The following RPS6KA2 variants were observed in gnomAD, a reference collection of about 807,000 sequenced individuals.
RPS6KA2 encodes the protein ribosomal protein S6 kinase alpha-2.
In RPS6KA2, 42 loss-of-function variants were observed where a neutral mutation model predicts 91.8. The observed-to-expected ratio is 0.46, with a 90% CI of 0.36 to 0.59. The LOEUF (loss-of-function observed/expected upper bound fraction) is 0.59. Ranked by LOEUF, RPS6KA2 falls within the 20% of genes least tolerant of loss-of-function variation. RPS6KA2 has a pLI of 0.00. For missense variants in RPS6KA2, 798 were observed against 978.5 expected, an observed-to-expected ratio of 0.82 and a Z score of 2.46; for synonymous variants, 414 against 393.6, an observed-to-expected ratio of 1.05 and a Z score of -0.61.
chr6:166,843,572 G>T (rs551695899), intron 2 of RPS6KA2, among the ~76,000 whole-genome samples: 2 of 152,210 alleles, frequency 1.3e-5, no homozygotes, highest in African/African-American at 4.8e-5. Flanking sequence ...GCTGAAAGAC[G>T]TGAAGACGGA....
In RPS6KA2 at chr6:166,646,407, G is replaced by T. The variant is rs1582980996; in HGVS notation, c.124-107623C>A. Among the ~76,000 whole-genome samples the T allele has an allele frequency of 2.0e-5, 3 of 152,352 alleles. No homozygotes were observed. The South Asian group carries it at 6.2e-4, about 32-fold the overall frequency. On this transcript the variant is annotated intron_variant, in intron 2 of 21. Transcript: ENST00000503859. ...AAAGAGAAAGAACACAACCAGCCAA[G>T]CTTGGGACTGGACAAGCCAGTCAGC...
Position 166,783,046 on chromosome 6 carries a change from AGGTATT to A in RPS6KA2, c.123+75148_123+75153del, listed in dbSNP as rs1311849278. ...CTAAACTTGCTGCAGGGTATCTTTT[AGGTATT>A]ATTATTATTATTATTATTATTATTA... On this transcript the variant is annotated intron_variant, in intron 2 of 21. Coordinates refer to the RPS6KA2 transcript ENST00000503859. 6.1e-3 allele frequency among the ~76,000 whole-genome samples: 857 copies of A among 139,918 alleles called. 11 individuals are homozygous for A. Among genetic ancestry groups the A allele is most frequent in the African/African-American group, 0.021 (798 of 37,190 alleles). 91.8% of individuals were successfully genotyped at this position (139,918 alleles called of 152,430 possible). A position where few individuals can be genotyped will look rare whatever the true frequency, so the allele number is the denominator to read the frequency against.
At chr6:166,707,812 C>T (rs1789724540) in intron 2 of RPS6KA2, among the ~76,000 whole-genome samples, 1 of 151,916 alleles carries the variant, frequency 6.6e-6, no homozygotes, top group Non-Finnish European at 1.5e-5. Context: ...GATCTTGGCT[C>T]CTAGGCTGGT....
At chr6:166,542,856 A>G (rs1472857975) in intron 1 of RPS6KA2, among the ~76,000 whole-genome samples, 1 of 152,194 alleles carries the variant, frequency 6.6e-6, no homozygotes, top group East Asian at 1.9e-4. Flanking sequence ...AAAAGTGCAA[A>G]TTAAAAGTTG....
At chr6:166,511,170 C>T (rs545799506) in intron 3 of RPS6KA2, among the ~76,000 whole-genome samples, 156 of 152,258 alleles carry the variant, frequency 1.0e-3, no homozygotes, top group African/African-American at 3.5e-3. Flanking sequence ...GTCACCATCT[C>T]TCCATGGAAA....
chr6:166,463,703 C>T (rs1280154422), intron 11 of RPS6KA2, among the ~76,000 whole-genome samples: 7 of 152,140 alleles, frequency 4.6e-5, no homozygotes, highest in East Asian at 3.8e-4. Flanking sequence ...CTTCTGTAGA[C>T]GGTTTTGGCT....
intron 1 of RPS6KA2, among the ~76,000 whole-genome samples, chr6:166,608,627 A>T (rs934015487): frequency 6.6e-6 from 1 of 152,188 alleles, no homozygotes; most frequent in Admixed American, 6.5e-5. Context: ...GTCCCTGGGT[A>T]CCACTCAGAT....
rs535940781 is a variant in RPS6KA2, at chr6:166,578,042, A to G, written c.100-39258T>C. On this transcript the variant is annotated intron_variant, in intron 1 of 20. Coordinates refer to ENST00000265678, the MANE Select transcript of RPS6KA2 (RefSeq NM_021135.6). The stretch of plus-strand genomic sequence containing the variant: ...TCATTTTCTCTTGCTGCCACCATAT[A>G]AGAAATGTTTTTTGCCTCCTGCCAT... Among the ~76,000 whole-genome samples the G allele has an allele frequency of 8.0e-4, 122 of 152,252 alleles. 1 individual carries two copies. In the South Asian group the frequency reaches 0.024, roughly 30 times the overall value.
intron 1 of RPS6KA2, among the ~76,000 whole-genome samples, chr6:166,860,480 T>C (rs964817252): frequency 1.1e-4 from 16 of 152,210 alleles, no homozygotes; most frequent in Non-Finnish European, 4.4e-5. Context: ...AATCTATTCA[T>C]TGCTGATCCA....
chr6:166,466,721 G>C (rs1780536725), intron 11 of RPS6KA2, among the ~76,000 whole-genome samples: 1 of 152,176 alleles, frequency 6.6e-6, no homozygotes, highest in Non-Finnish European at 1.5e-5. Flanking sequence ...TTCATTCACT[G>C]ATTCATTCAC....
At chr6:166,498,727 G>T (rs755209940) in intron 7 of RPS6KA2, 77 bp from the exon 8 acceptor site, 2 of 1,560,474 alleles carry the variant, frequency 1.3e-6, no homozygotes, top group Non-Finnish European at 1.7e-6. Context: ...GGGCATCAGC[G>T]TCCTTCTGTG....
chr6:166,468,731 G>A (rs1202108797), intron 11 of RPS6KA2, among the ~76,000 whole-genome samples: 2 of 152,014 alleles, frequency 1.3e-5, no homozygotes, highest in African/African-American at 2.4e-5. Flanking sequence ...CGGGCGTGGT[G>A]GGGGCGCCTG....
At chr6:166,496,379 GA>G (rs537400029) in intron 8 of RPS6KA2, among the ~76,000 whole-genome samples, 117 of 140,638 alleles carry the variant, frequency 8.3e-4, no homozygotes, top group African/African-American at 8.8e-4. Context: ...AAAATAAAAA[GA>G]AAAAAAAGAA....
intron 2 of RPS6KA2, among the ~76,000 whole-genome samples, chr6:166,839,499 C>T (rs1780403329): frequency 6.6e-6 from 1 of 151,140 alleles, no homozygotes; most frequent in Non-Finnish European, 1.5e-5. Context: ...GGAATTGAGC[C>T]TTACCATATC....
At chr6:166,859,008 AGC>A (rs1780981098) in intron 1 of RPS6KA2, among the ~76,000 whole-genome samples, 2 of 80,032 alleles carry the variant, frequency 2.5e-5, no homozygotes, top group Admixed American at 2.8e-4. Flanking sequence ...GCTGCCATGC[AGC>A]AGACACGGGA....
intron 2 of RPS6KA2, among the ~76,000 whole-genome samples, chr6:166,675,402 C>G (rs1254735827): frequency 1.3e-5 from 2 of 152,212 alleles, no homozygotes; most frequent in Non-Finnish European, 2.9e-5. Flanking sequence ...CCCCAGTTTC[C>G]ACGCTGTTAA....
At chr6:166,478,105 A>T (rs1339953288) in intron 10 of RPS6KA2, among the ~76,000 whole-genome samples, 1 of 152,342 alleles carries the variant, frequency 6.6e-6, no homozygotes, top group South Asian at 2.1e-4. Flanking sequence ...ACCCTCACGC[A>T]TGTGGCCCCA....
intron 14 of RPS6KA2, among the ~76,000 whole-genome samples, chr6:166,440,545 AGAATCATCT>A: frequency 6.6e-6 from 1 of 152,392 alleles, no homozygotes; most frequent in South Asian, 2.1e-4. Context: ...AACTAATATC[AGAATCATCT>A]GAATCATCAG....
At chr6:166,707,122 GGCAA>G (rs1789701197) in intron 2 of RPS6KA2, among the ~76,000 whole-genome samples, 1 of 152,242 alleles carries the variant, frequency 6.6e-6, no homozygotes, top group African/African-American at 2.4e-5. Flanking sequence ...AGAGTTAGCA[GGCAA>G]AGGAAGAGAA....
Sources: allele counts gnomAD v4.1 joint callset (sites outside exome capture counted in the v4.1 genomes callset), GRCh38; gene constraint gnomAD v4.1.1; transcripts MANE v1.5; gene names NCBI Gene and HGNC (gene_info 2026-07-23, HGNC 2026-07-21).